Variants in NSMCE2 observed in about 807,000 individuals in gnomAD.
The protein encoded by NSMCE2 is NSE2 SUMO ligase component of SMC5/6 complex, also known as E3 SUMO-protein ligase NSE2.
Under a neutral mutation model 23.8 loss-of-function variants are expected in NSMCE2, and 24 were observed. The observed-to-expected ratio is 1.01, with a 90% CI of 0.73 to 1.42. The LOEUF is 1.42. NSMCE2 is among the 40% of genes most tolerant of loss of function. NSMCE2 has a pLI of 0.00. For missense variants in NSMCE2, 284 were observed against 296.5 expected (o/e 0.96, Z 0.31); for synonymous variants, 92 against 94.1 (o/e 0.98, Z 0.13).
intron 5 of NSMCE2, among the ~76,000 whole-genome samples, chr8:125,286,872 C>G (rs1827926363): frequency 6.6e-6 from 1 of 151,560 alleles, no homozygotes; most frequent in African/African-American, 2.4e-5. Flanking sequence ...CTAAGAAAAT[C>G]ATATGTGTGT....
intron 3 of NSMCE2, among the ~76,000 whole-genome samples, chr8:125,119,206 A>G (rs1819157426): frequency 6.6e-6 from 1 of 152,154 alleles, no homozygotes; most frequent in Non-Finnish European, 1.5e-5. Context: ...CAATCATTCC[A>G]ACACCTCCAG....
chr8:125,165,534 A>T (rs766835525), intron 4 of NSMCE2, among the ~76,000 whole-genome samples: 4 of 152,218 alleles, frequency 2.6e-5, no homozygotes, highest in Non-Finnish European at 5.9e-5. Flanking sequence ...TAATGATATT[A>T]TCTTACAGTG....
At chr8:125,148,285 G>A (rs1820800354) in intron 3 of NSMCE2, among the ~76,000 whole-genome samples, 1 of 152,110 alleles carries the variant, frequency 6.6e-6, no homozygotes, top group African/African-American at 2.4e-5. Context: ...TTCCTCCTTT[G>A]CAGGAAGGTC....
intron 3 of NSMCE2, among the ~76,000 whole-genome samples, chr8:125,106,475 T>G (rs1818460157): frequency 6.6e-6 from 1 of 151,936 alleles, no homozygotes. Context: ...GTCAGGAGTT[T>G]GAGACCAGCC....
chr8:125,303,646 T>C (rs992338530), intron 5 of NSMCE2, among the ~76,000 whole-genome samples: 1 of 152,112 alleles, frequency 6.6e-6, no homozygotes, highest in Non-Finnish European at 1.5e-5. Flanking sequence ...CTGTTAACTA[T>C]ATATTCCAAT....
At chr8:125,156,919 T>G (rs920963808) in intron 4 of NSMCE2, among the ~76,000 whole-genome samples, 1 of 152,166 alleles carries the variant, frequency 6.6e-6, no homozygotes, top group Admixed American at 6.6e-5. Context: ...AACATGAAAT[T>G]CTATAGGGTA....
chr8:125,147,261 G>A (rs1820739928), intron 3 of NSMCE2, among the ~76,000 whole-genome samples: 2 of 152,132 alleles, frequency 1.3e-5, no homozygotes, highest in Admixed American at 1.3e-4. Context: ...CCTCTTTTAT[G>A]TTCTAATTCA....
chr8:125,215,042 TTTA>T (rs56253114), intron 5 of NSMCE2, among the ~76,000 whole-genome samples: 67,621 of 149,810 alleles, frequency 0.45, 18,055 homozygotes, highest in African/African-American at 0.75. Context: ...TTTTATTTTA[TTTA>T]TTATTATTAT....
intron 5 of NSMCE2, among the ~76,000 whole-genome samples, chr8:125,322,434 T>A (rs905805396): frequency 6.6e-6 from 1 of 152,228 alleles, no homozygotes; most frequent in Non-Finnish European, 1.5e-5. Context: ...TGATTCTTGA[T>A]TTTAAAAATG....
At chr8:125,191,332 A>T (rs34448805) in intron 5 of NSMCE2, among the ~76,000 whole-genome samples, 1 of 152,206 alleles carries the variant, frequency 6.6e-6, no homozygotes, top group African/African-American at 2.4e-5. Flanking sequence ...GTTCTTTCCC[A>T]CATACCACAC....
intron 5 of NSMCE2, among the ~76,000 whole-genome samples, chr8:125,316,011 T>TG (rs1185654342): frequency 6.6e-6 from 1 of 152,148 alleles, no homozygotes; most frequent in Non-Finnish European, 1.5e-5. Context: ...CTCACTGTGT[T>TG]GCCCGGGCTG....
At chr8:125,130,095 T>C (rs1158942049) in intron 3 of NSMCE2, 1 of 337,132 alleles carries the variant, frequency 3.0e-6, no homozygotes, top group African/African-American at 2.2e-5. Flanking sequence ...TTAGTTGGTT[T>C]CGCTTTTTTT....
At position 125,176,300 on chromosome 8, in the gene NSMCE2, T is replaced by C. The variant is rs182502179; in HGVS notation, c.265-5803T>C. 1.2e-3 allele frequency among the ~76,000 whole-genome samples: 178 copies of C among 152,354 alleles called. 1 individual carries two copies. The highest frequency in any genetic ancestry group is 4.0e-3 in the African/African-American group (166 of 41,578). On this transcript the variant is annotated intron_variant, in intron 4 of 7. Coordinates refer to ENST00000287437, the MANE Select transcript of NSMCE2 (RefSeq NM_173685.4). ...TCTAATGCACACTTTTCACTTCTTA[T>C]TTAGTTTCACTTCTCTGCAGCATTT...
chr8:125,206,381 A>G (rs1457121877), intron 5 of NSMCE2, among the ~76,000 whole-genome samples: 1 of 152,230 alleles, frequency 6.6e-6, no homozygotes, highest in Non-Finnish European at 1.5e-5. Context: ...GAGACATCTG[A>G]TTAGATTTGA....
At chr8:125,250,455 A>G (rs1826158568) in intron 5 of NSMCE2, among the ~76,000 whole-genome samples, 1 of 152,194 alleles carries the variant, frequency 6.6e-6, no homozygotes, top group African/African-American at 2.4e-5. Context: ...TGCTGTGGAA[A>G]TGTTCATAGC....
chr8:125,363,563 G>GA (rs1813655057), intron 7 of NSMCE2, among the ~76,000 whole-genome samples: 4 of 135,042 alleles, frequency 3.0e-5, no homozygotes, highest in African/African-American at 8.7e-5. Context: ...AGAGAGAGAG[G>GA]GAGGGAGGGG....
chr8:125,338,596 C>T (rs931362830), intron 5 of NSMCE2, among the ~76,000 whole-genome samples: 1 of 152,102 alleles, frequency 6.6e-6, no homozygotes, highest in Non-Finnish European at 1.5e-5. Flanking sequence ...AGAAGCAATA[C>T]AGAGAAGAAA....
chr8:125,204,353 G>A (rs1353652351), intron 5 of NSMCE2, among the ~76,000 whole-genome samples: 1 of 152,080 alleles, frequency 6.6e-6, no homozygotes, highest in Non-Finnish European at 1.5e-5. Flanking sequence ...TTTGACCATT[G>A]GGTCCTTCCT....
At chr8:125,134,789 A>G (rs1459190615) in intron 3 of NSMCE2, among the ~76,000 whole-genome samples, 1 of 141,634 alleles carries the variant, frequency 7.1e-6, no homozygotes, top group African/African-American at 2.7e-5. Flanking sequence ...GTACAGTGGC[A>G]TGATCATAGC....
Sources: gnomAD v4.1 joint callset for allele counts (sites outside exome capture counted in the v4.1 genomes callset) on GRCh38, gnomAD v4.1.1 for gene constraint, MANE v1.5 for transcripts, NCBI Gene and HGNC (gene_info 2026-07-23, HGNC 2026-07-21) for gene names.